The following THSD7A variants were observed in gnomAD, a reference collection of about 807,000 sequenced individuals.
THSD7A encodes the protein thrombospondin type 1 domain containing 7A, also known as thrombospondin type-1 domain-containing protein 7A.
THSD7A carries 96 observed loss-of-function variants against 231.3 expected under a neutral mutation model. That is an observed-to-expected ratio of 0.41 (90% confidence interval 0.35 to 0.49). THSD7A has a LOEUF of 0.49. THSD7A is among the 20% of genes least tolerant of loss of function. The probability of loss-of-function intolerance (pLI) is 0.05; values close to 1 mark genes in which losing one functional copy is unlikely to be tolerated. For missense variants in THSD7A, 2,290 were observed against 2,070.2 expected, an observed-to-expected ratio of 1.11 and a Z score of -2.06; for synonymous variants, 940 against 743.3, an observed-to-expected ratio of 1.26 and a Z score of -4.30.
intron 1 of THSD7A, among the ~76,000 whole-genome samples, chr7:11,664,567 C>T (rs1783049688): frequency 6.6e-6 from 1 of 151,938 alleles, no homozygotes; most frequent in Non-Finnish European, 1.5e-5. Flanking sequence ...AGCAAATAGC[C>T]ATTGAAACTG....
chr7:11,461,975 C>T, intron 10 of THSD7A, 36 bp downstream of exon 10: 1 of 1,602,644 alleles, frequency 6.2e-7, no homozygotes, highest in Non-Finnish European at 8.5e-7. Context: ...CGTATTTGTT[C>T]AGCTCCTCCC....
intron 1 of THSD7A, among the ~76,000 whole-genome samples, chr7:11,827,906 C>T (rs563080560): frequency 8.5e-5 from 13 of 152,122 alleles, no homozygotes; most frequent in Non-Finnish European, 1.8e-4. Flanking sequence ...ATGATGAAAA[C>T]CTTGATGGCA....
At chr7:11,728,445 T>C (rs555902241) in intron 1 of THSD7A, among the ~76,000 whole-genome samples, 3 of 152,036 alleles carry the variant, frequency 2.0e-5, no homozygotes, top group Admixed American at 6.6e-5. Context: ...TTGAAAAGTA[T>C]ATAGAAAACA....
At chr7:11,629,061 C>G (rs10276290) in intron 2 of THSD7A, among the ~76,000 whole-genome samples, 33,993 of 152,098 alleles carry the variant, frequency 0.22, 6,514 homozygotes, top group African/African-American at 0.52. Context: ...CTGCTGGATA[C>G]AGGCAGGAGC....
At chr7:11,423,067 T>A (rs898599956) in intron 16 of THSD7A, among the ~76,000 whole-genome samples, 1 of 152,168 alleles carries the variant, frequency 6.6e-6, no homozygotes, top group Non-Finnish European at 1.5e-5. Context: ...AATCTCTTTT[T>A]CTGTGTCCCT....
At chr7:11,641,716 G>A (rs1782087049) in intron 1 of THSD7A, among the ~76,000 whole-genome samples, 1 of 150,516 alleles carries the variant, frequency 6.6e-6, no homozygotes, top group Admixed American at 6.6e-5. Context: ...ACCAGTGAAA[G>A]CAGAGGTGGA....
At chr7:11,547,985 G>T (rs542172034) in intron 4 of THSD7A, among the ~76,000 whole-genome samples, 1 of 152,206 alleles carries the variant, frequency 6.6e-6, no homozygotes, top group South Asian at 2.1e-4. Flanking sequence ...ACCAAAGCCA[G>T]CAGTAGACAA....
intron 23 of THSD7A, among the ~76,000 whole-genome samples, chr7:11,399,941 G>A (rs1181566194): frequency 1.3e-5 from 2 of 152,082 alleles, no homozygotes; most frequent in Admixed American, 6.5e-5. Flanking sequence ...ACTGGATTAA[G>A]AAAATGTGGC....
intron 1 of THSD7A, among the ~76,000 whole-genome samples, chr7:11,745,649 A>C (rs1335732163): frequency 6.6e-6 from 1 of 152,116 alleles, no homozygotes. Flanking sequence ...ATCCAGTTTC[A>C]GCTTTCTACA....
chr7:11,662,846 TA>T (rs569618111), intron 1 of THSD7A, among the ~76,000 whole-genome samples: 186 of 151,482 alleles, frequency 1.2e-3, no homozygotes, highest in African/African-American at 4.3e-3. Context: ...ACAACTGATA[TA>T]AAAATATTTA....
At chr7:11,803,727 C>T (rs538011888) in intron 1 of THSD7A, among the ~76,000 whole-genome samples, 17 of 152,188 alleles carry the variant, frequency 1.1e-4, no homozygotes, top group Non-Finnish European at 2.2e-4. Flanking sequence ...TTCTCAACTG[C>T]CGCTATATTG....
intron 1 of THSD7A, among the ~76,000 whole-genome samples, chr7:11,776,267 A>G (rs1382444520): frequency 6.6e-6 from 1 of 152,230 alleles, no homozygotes; most frequent in Non-Finnish European, 1.5e-5. Flanking sequence ...ACAAATTTGT[A>G]GAAGTAGCTA....
chr7:11,524,652 A>C (rs531680003), intron 6 of THSD7A, among the ~76,000 whole-genome samples: 1 of 152,290 alleles, frequency 6.6e-6, no homozygotes, highest in African/African-American at 2.4e-5. Context: ...TGAGCTTTCC[A>C]GGGTGCTTTG....
chr7:11,581,739 C>T (rs539671367), intron 4 of THSD7A, among the ~76,000 whole-genome samples: 5 of 151,952 alleles, frequency 3.3e-5, no homozygotes, highest in Non-Finnish European at 7.4e-5. Context: ...CTATCAAATG[C>T]CATTTAATTG....
chr7:11,461,840 G>C (rs571644066), intron 10 of THSD7A, among the ~76,000 whole-genome samples, 171 bp downstream of exon 10: 137 of 152,248 alleles, frequency 9.0e-4, no homozygotes, highest in African/African-American at 3.0e-3. Flanking sequence ...CATTTCAGTA[G>C]CACAGCAGCT....
At chr7:11,705,793 A>T (rs924991716) in intron 1 of THSD7A, among the ~76,000 whole-genome samples, 2 of 150,990 alleles carry the variant, frequency 1.3e-5, no homozygotes, top group African/African-American at 4.8e-5. Context: ...AGAGATTGCC[A>T]AAATCTTTCA....
chr7:11,811,821 A>G (rs968522742), intron 1 of THSD7A, among the ~76,000 whole-genome samples: 14 of 152,180 alleles, frequency 9.2e-5, no homozygotes, highest in African/African-American at 3.4e-4. Context: ...TTCTGGGAAG[A>G]AAAGAAAAGG....
At chr7:11,392,266 G>A (rs562577169) in intron 23 of THSD7A, among the ~76,000 whole-genome samples, 196 of 152,042 alleles carry the variant, frequency 1.3e-3, no homozygotes, top group African/African-American at 4.5e-3. Context: ...AGGGTGGGGT[G>A]TTGCCTCACC....
chr7:11,828,135 T>G (rs944153249), intron 1 of THSD7A, among the ~76,000 whole-genome samples: 3 of 152,222 alleles, frequency 2.0e-5, no homozygotes, highest in African/African-American at 7.2e-5. Context: ...ATATCACTCT[T>G]CTGCTCAAAG....
Sources: allele counts gnomAD v4.1 joint callset (sites outside exome capture counted in the v4.1 genomes callset), GRCh38; gene constraint gnomAD v4.1.1; transcripts MANE v1.5; gene names NCBI Gene and HGNC (gene_info 2026-07-23, HGNC 2026-07-21).